POLA1: variants seen among roughly 807,000 people sequenced by gnomAD.
POLA1 encodes the protein DNA polymerase alpha 1, catalytic subunit, also known as DNA polymerase alpha catalytic subunit.
In POLA1, 15 loss-of-function variants were observed where a neutral mutation model predicts 124.0. The observed-to-expected ratio is 0.12, with a 90% CI of 0.08 to 0.19. POLA1 has a LOEUF of 0.19. Ranked by LOEUF, POLA1 falls within the 10% of genes least tolerant of loss-of-function variation. POLA1 has a pLI of 1.00. For missense variants in POLA1, 886 were observed against 1,103.4 expected, an observed-to-expected ratio of 0.80 and a Z score of 2.79; for synonymous variants, 408 against 389.4, an observed-to-expected ratio of 1.05 and a Z score of -0.56.
chrX:24,951,567 A>G (rs2048044946), intron 36 of POLA1, among the ~76,000 whole-genome samples: 1 of 109,742 alleles, frequency 9.1e-6, no homozygotes, highest in African/African-American at 3.3e-5. Context: ...TTCCCGCCCC[A>G]CTTCACCAGT....
rs1289583224 is a variant in POLA1, at chrX:24,788,313, G to T, written c.2965-21585G>T. 5.1e-6 allele frequency: 5 copies of T among 984,544 alleles called. No individual in the cohort carries two copies. In the African/African-American group the frequency reaches 8.5e-5, roughly 17 times the overall value. 81.1% of individuals were successfully genotyped at this position (984,544 alleles called of 1,213,427 possible). ...CATCTAAGATTGGGAACAAGATAAG[G>T]ATGCCCACTTTTACTACTTCTTTTT... On this transcript the variant is annotated intron_variant, in intron 26 of 36. Transcript: ENST00000379068.
chrX:24,740,866 C>T (rs187210947), intron 20 of POLA1, among the ~76,000 whole-genome samples: 56 of 111,839 alleles, frequency 5.0e-4, no homozygotes, highest in Middle Eastern at 4.6e-3. Flanking sequence ...ACTTAATATT[C>T]CCGTTGCTTA....
rs1287733097 is a variant in POLA1, at chrX:24,859,469, C to T, written c.4047+15792C>T. Among the ~76,000 whole-genome samples the T allele has an allele frequency of 1.2e-4, 14 of 112,188 alleles. 1 individual carries two copies. On this transcript the variant is annotated intron_variant, in intron 34 of 36. Coordinates refer to ENST00000379068, the MANE Select transcript of POLA1 (RefSeq NM_001330360.2). ...TACCATAGCCCACCACTTGTGACAT[C>T]CCACTTTGTGAAATTCTTCTGCCTT...
At chrX:24,825,050 C>T (rs1442399920) in intron 31 of POLA1, among the ~76,000 whole-genome samples, 2 of 111,785 alleles carry the variant, frequency 1.8e-5, no homozygotes, top group Non-Finnish European at 3.8e-5. Flanking sequence ...TGGTAAAAGG[C>T]AGTCTAAATA....
chrX:24,926,005 T>G (rs1224393032), intron 35 of POLA1, among the ~76,000 whole-genome samples: 1 of 110,462 alleles, frequency 9.1e-6, no homozygotes, highest in African/African-American at 3.3e-5. Flanking sequence ...GAGACCAGCC[T>G]GAGCAATATA....
At chrX:24,800,222 T>G (rs1053600040) in intron 26 of POLA1, among the ~76,000 whole-genome samples, 5 of 111,949 alleles carry the variant, frequency 4.5e-5, no homozygotes, top group African/African-American at 9.7e-5. Context: ...AATCTGAAAG[T>G]TCTATTCTTA....
chrX:24,958,319 C>T (rs2048130681), intron 36 of POLA1, among the ~76,000 whole-genome samples: 2 of 112,088 alleles, frequency 1.8e-5, no homozygotes, highest in African/African-American at 6.5e-5. Context: ...CTCTTCACTT[C>T]TCTAGCATTT....
intron 26 of POLA1, among the ~76,000 whole-genome samples, chrX:24,773,506 T>A (rs1172515160): frequency 1.8e-5 from 2 of 112,304 alleles, no homozygotes; most frequent in Non-Finnish European, 3.8e-5. Context: ...AACTGCTACC[T>A]ATTAGCTGTG....
chrX:24,839,370 TTGAG>T (rs1463961144), intron 32 of POLA1, among the ~76,000 whole-genome samples: 2 of 112,000 alleles, frequency 1.8e-5, no homozygotes, highest in East Asian at 5.6e-4. Context: ...CATGGGAAGA[TTGAG>T]TGATTTGTAG....
chrX:24,984,091 C>G (rs998009724), intron 36 of POLA1, among the ~76,000 whole-genome samples: 2 of 112,384 alleles, frequency 1.8e-5, no homozygotes, highest in African/African-American at 3.2e-5. Context: ...CACCGCTTTC[C>G]CTTTTAATCA....
chrX:24,791,465 C>T (rs1237599777), intron 26 of POLA1, among the ~76,000 whole-genome samples: 1 of 112,883 alleles, frequency 8.9e-6, no homozygotes, highest in Non-Finnish European at 1.9e-5. Context: ...TGGCTCACTG[C>T]AACCTCCACC....
chrX:24,725,357 G>A (rs1045251108), intron 12 of POLA1, among the ~76,000 whole-genome samples: 11 of 109,919 alleles, frequency 1.0e-4, no homozygotes, highest in African/African-American at 3.0e-4. Context: ...ACAATGCCCA[G>A]CTAATTTTTT....
intron 26 of POLA1, among the ~76,000 whole-genome samples, chrX:24,767,045 C>T (rs1490892101): frequency 1.8e-5 from 2 of 111,557 alleles, no homozygotes; most frequent in African/African-American, 6.5e-5. Flanking sequence ...TGATGTTCAC[C>T]TACTGAATTC....
chrX:24,794,698 A>T (rs2045574339), intron 26 of POLA1, among the ~76,000 whole-genome samples: 1 of 111,886 alleles, frequency 8.9e-6, no homozygotes, highest in African/African-American at 3.2e-5. Context: ...CATATTTAGA[A>T]AGCTGCCTCA....
chrX:24,733,580 A>G (rs1434838496), intron 16 of POLA1, among the ~76,000 whole-genome samples, 175 bp from the exon 17 acceptor site: 1 of 111,545 alleles, frequency 9.0e-6, no homozygotes, highest in Non-Finnish European at 1.9e-5. Context: ...TCTGTGCTTG[A>G]CCATTCTTTT....
intron 36 of POLA1, among the ~76,000 whole-genome samples, chrX:24,982,139 T>TA (rs757601000): frequency 2.7e-5 from 3 of 110,008 alleles, no homozygotes; most frequent in Non-Finnish European, 5.7e-5. Context: ...GAATTGCTTT[T>TA]AAAGTGGGCA....
intron 14 of POLA1, 56 bp from the exon 15 acceptor site, chrX:24,727,726 G>A: frequency 1.0e-6 from 1 of 971,399 alleles, no homozygotes. Flanking sequence ...CTTAATTATA[G>A]TAGTTTTTCT....
At chrX:24,871,022 G>A (rs983171114) in intron 34 of POLA1, among the ~76,000 whole-genome samples, 4 of 111,576 alleles carry the variant, frequency 3.6e-5, no homozygotes, top group African/African-American at 1.3e-4. Flanking sequence ...AGGGGAATAA[G>A]GTATTTTGGG....
intron 36 of POLA1, among the ~76,000 whole-genome samples, chrX:24,975,444 A>G (rs929146665): frequency 2.9e-5 from 3 of 104,415 alleles, no homozygotes; most frequent in Non-Finnish European, 5.9e-5. Context: ...GAAAATAGCT[A>G]TATCTTTCAA....
Sources: gnomAD v4.1 joint callset for allele counts (sites outside exome capture counted in the v4.1 genomes callset) on GRCh38, gnomAD v4.1.1 for gene constraint, MANE v1.5 for transcripts, NCBI Gene and HGNC (gene_info 2026-07-23, HGNC 2026-07-21) for gene names.